Variants in SUN1 observed in about 807,000 individuals in gnomAD.
SUN1 encodes the protein SUN domain-containing protein 1.
In SUN1, 61 loss-of-function variants were observed where a neutral mutation model predicts 103.2. That is an observed-to-expected ratio of 0.59 (90% CI 0.48 to 0.73). SUN1 has a LOEUF of 0.73. Among genes scored for constraint, SUN1 ranks in the 30% least tolerant of loss-of-function variants. SUN1 has a pLI of 0.00. For missense variants in SUN1, 1,052 were observed against 1,034.6 expected, an observed-to-expected ratio of 1.02 and a Z score of -0.23; for synonymous variants, 490 against 425.7, an observed-to-expected ratio of 1.15 and a Z score of -1.86.
chr7:840,296 C>G (rs1808051528), intron 2 of SUN1, among the ~76,000 whole-genome samples: 1 of 152,352 alleles, frequency 6.6e-6, no homozygotes, highest in East Asian at 1.9e-4. Flanking sequence ...CAGCTGAGGA[C>G]CAGCAGATCC....
chr7:833,151 CG>C (rs1799508963), intron 1 of SUN1: 1 of 152,434 alleles, frequency 6.6e-6, no homozygotes, highest in Non-Finnish European at 1.5e-5. Flanking sequence ...GCGACTGAAA[CG>C]AAGTTTGCGT....
At chr7:866,114 C>T (rs769431879) in intron 16 of SUN1, 47 bp downstream of exon 16, 19 of 1,540,144 alleles carry the variant, frequency 1.2e-5, no homozygotes, top group Middle Eastern at 1.7e-4. Flanking sequence ...AGCATGGACT[C>T]GGTTAGTGTT....
chr7:837,510 CAG>C (rs887267777), intron 1 of SUN1, among the ~76,000 whole-genome samples: 7 of 152,170 alleles, frequency 4.6e-5, no homozygotes, highest in Admixed American at 3.3e-4. Flanking sequence ...CATAACTAAT[CAG>C]AGAGAGACGT....
rs763554467 is a variant in SUN1 at position 849,951 on chromosome 7, C to T, written c.659-1433C>T. 89 of 1,600,622 alleles carry T rather than the reference C, an allele frequency of 5.6e-5. No homozygotes were observed. The African/African-American group carries it at 8.1e-4, about 15-fold the overall frequency. On this transcript the variant is annotated intron_variant, in intron 5 of 18. Coordinates refer to ENST00000401592, the MANE Select transcript of SUN1 (RefSeq NM_001130965.3). ...ACGACTGTAAGGGCAAGAGGCACCTCGACGCGCACACAGCCGCCCACTCGC... is the reference window on the plus strand; with the variant it reads ...ACGACTGTAAGGGCAAGAGGCACCTTGACGCGCACACAGCCGCCCACTCGC...
rs960639344 is a variant in SUN1, at chr7:869,638, A to G, written c.2148+122A>G. ...CCGCTGCCCCTCCGCCCTCTCTCAG[A>G]TTCGGTGTTGAGGGGAACATTCCAG... On this transcript the variant is annotated intron_variant, in intron 17 of 18. Coordinates refer to ENST00000401592, the MANE Select transcript of SUN1 (RefSeq NM_001130965.3). 8 of 1,226,302 alleles carry G rather than the reference A, an allele frequency of 6.5e-6. No homozygotes were observed. In the Admixed American group the frequency reaches 1.5e-4, roughly 23 times the overall value. 76.0% of individuals were successfully genotyped at this position (1,226,302 alleles called of 1,614,324 possible).
chr7:863,019 G>A lies in SUN1; in HGVS notation c.1864+1555G>A, dbSNP rs924499319. On this transcript the variant is annotated intron_variant, in intron 15 of 18. Coordinates refer to ENST00000401592, the MANE Select transcript of SUN1 (RefSeq NM_001130965.3). ...TAGCTGGGTGTGGTGGTGGGCGCCT[G>A]TAGTCCCAGCTACTTGGGAGGCTAA... Among the ~76,000 whole-genome samples, 17 of 152,282 alleles carry A rather than the reference G, an allele frequency of 1.1e-4. No individual in the cohort carries two copies. In the South Asian group the frequency reaches 1.7e-3, roughly 15 times the overall value.
At chr7:873,047 A>G (rs1026077743) in intron 18 of SUN1, among the ~76,000 whole-genome samples, 168 bp from the exon 19 acceptor site, 5 of 152,210 alleles carry the variant, frequency 3.3e-5, no homozygotes, top group Admixed American at 6.5e-5. Flanking sequence ...AGATCGTGCC[A>G]TTGTACTCCA....
At chr7:836,908 C>T (rs567729097) in intron 1 of SUN1, among the ~76,000 whole-genome samples, 1 of 152,120 alleles carries the variant, frequency 6.6e-6, no homozygotes. Flanking sequence ...CTGACAGAGA[C>T]CGAGAGCTGG....
At chr7:836,534 C>T (rs1422094932) in intron 1 of SUN1, among the ~76,000 whole-genome samples, 4 of 152,148 alleles carry the variant, frequency 2.6e-5, no homozygotes, top group African/African-American at 4.8e-5. Context: ...TGAAGGTCAG[C>T]TGGCTCATGG....
At chr7:859,817 G>A (rs1036638880) in intron 13 of SUN1, among the ~76,000 whole-genome samples, 4 of 152,250 alleles carry the variant, frequency 2.6e-5, no homozygotes, top group Non-Finnish European at 2.9e-5. Flanking sequence ...GCCTCGCTGC[G>A]GGGTGCCCGG....
chr7:865,580 C>T (rs1156374213), intron 15 of SUN1, among the ~76,000 whole-genome samples: 1 of 152,196 alleles, frequency 6.6e-6, no homozygotes, highest in East Asian at 1.9e-4. Context: ...AGTAGACTGC[C>T]TTCCTTTCTG....
At chr7:860,563 G>A (rs563400399) in intron 14 of SUN1, among the ~76,000 whole-genome samples, 181 bp downstream of exon 14, 1 of 152,254 alleles carries the variant, frequency 6.6e-6, no homozygotes, top group African/African-American at 2.4e-5. Context: ...GGGGGCACCT[G>A]TGCGGTGAGC....
chr7:851,901 G>C, intron 6 of SUN1, 49 bp from the exon 7 acceptor site: 1 of 1,590,016 alleles, frequency 6.3e-7, no homozygotes, highest in Non-Finnish European at 8.6e-7. Flanking sequence ...TTAGGAGCTT[G>C]GTTTTCCTAA....
intron 1 of SUN1, among the ~76,000 whole-genome samples, chr7:833,608 G>T (rs1800008170): frequency 6.6e-6 from 1 of 152,198 alleles, no homozygotes; most frequent in South Asian, 2.1e-4. Flanking sequence ...ACCGTGCCCG[G>T]TCTCAGTGGG....
Position 873,224 on chromosome 7 carries a change from G to T in SUN1, c.2251G>T (p.Asp751Tyr). The change falls in exon 19 of 19, where the codon GAC (aspartate) becomes TAC (tyrosine). Residue 751 changes from aspartate to tyrosine, a missense_variant. Transcript: ENST00000401592. Reference protein sequence around the residue: ...LQMFQALKRPDDTAFQIVELR... With the variant: ...LQMFQALKRPYDTAFQIVELR... ...CCCACCTTGATTTCAGAAAAGACCC[G>T]ACGACACAGCTTTCCAAATAGTGGA... 6.2e-7 allele frequency: 1 copy of T among 1,614,194 alleles called. No individual in the cohort carries two copies. Among genetic ancestry groups the T allele is most frequent in the Non-Finnish European group, 8.5e-7 (1 of 1,180,028 alleles).
chr7:832,650 C>T, intron 1 of SUN1, 49 bp downstream of exon 1: 1 of 1,493,928 alleles, frequency 6.7e-7, no homozygotes, highest in Admixed American at 1.8e-5. Context: ...TGCCCACTCG[C>T]TGTCGCGGTG....
chr7:855,831 C>T (rs1368825098), intron 11 of SUN1, among the ~76,000 whole-genome samples: 2 of 150,814 alleles, frequency 1.3e-5, no homozygotes. Context: ...GCCTCCTCCT[C>T]TGTCCGCCCA....
intron 5 of SUN1, chr7:849,381 T>G (rs1819678399): frequency 9.2e-6 from 5 of 543,322 alleles, no homozygotes; most frequent in Non-Finnish European, 1.6e-5. Flanking sequence ...ACCTGTGTGG[T>G]AGGAGCCATC....
intron 1 of SUN1, chr7:832,853 C>T (rs1799236274): frequency 2.1e-6 from 1 of 466,986 alleles, no homozygotes; most frequent in African/African-American, 1.9e-5. Flanking sequence ...CGACCCCACC[C>T]AGGTGGTTGT....
Sources: allele counts gnomAD v4.1 joint callset (sites outside exome capture counted in the v4.1 genomes callset), GRCh38; gene constraint gnomAD v4.1.1; transcripts MANE v1.5; gene names NCBI Gene and HGNC (gene_info 2026-07-23, HGNC 2026-07-21).